Variants in ROCK1 observed in about 807,000 individuals in gnomAD.
ROCK1 encodes Rho associated coiled-coil containing protein kinase 1.
In ROCK1, 36 loss-of-function variants were observed where a neutral mutation model predicts 196.8. That is an observed-to-expected ratio of 0.18 (90% CI 0.14 to 0.24). The LOEUF is 0.24. Ranked by LOEUF, ROCK1 falls within the 10% of genes least tolerant of loss-of-function variation. ROCK1 has a pLI of 1.00. For missense variants in ROCK1, 920 were observed against 1,562.0 expected (o/e 0.59, Z 6.93); for synonymous variants, 443 against 515.9 (o/e 0.86, Z 1.91).
intron 27 of ROCK1, among the ~76,000 whole-genome samples, chr18:20,961,581 G>A (rs907631174): frequency 5.9e-5 from 9 of 152,056 alleles, no homozygotes; most frequent in Admixed American, 3.9e-4. Context: ...TTCAAACCCC[G>A]GCAGTCTAAT....
chr18:20,992,828 T>C lies in ROCK1; in HGVS notation c.1992+3A>G, dbSNP rs2035638084. ...AATAATTGGTATATGTTAAATCATTTACCTTTTCTGAGTGATTAAGCATGT... is the reference window on the plus strand; with the variant it reads ...AATAATTGGTATATGTTAAATCATTCACCTTTTCTGAGTGATTAAGCATGT... On this transcript the variant is annotated splice_donor_region_variant and intron_variant, in intron 17 of 32. Coordinates refer to ENST00000399799, the MANE Select transcript of ROCK1 (RefSeq NM_005406.3). 3 of 1,542,918 alleles carry C rather than the reference T, an allele frequency of 1.9e-6. No homozygotes were observed. The highest frequency in any genetic ancestry group is 2.7e-5 in the African/African-American group (2 of 73,500).
chr18:21,049,917 A>T (rs757617777), intron 2 of ROCK1, 37 bp from the exon 3 acceptor site: 2 of 1,183,322 alleles, frequency 1.7e-6, no homozygotes, highest in East Asian at 5.0e-5. Flanking sequence ...TTAAATCACT[A>T]AAGCATTACA....
chr18:21,034,276 T>C (rs1372580456), intron 9 of ROCK1, among the ~76,000 whole-genome samples: 1 of 152,168 alleles, frequency 6.6e-6, no homozygotes, highest in Non-Finnish European at 1.5e-5. Flanking sequence ...CTATGTCCTT[T>C]TTGGCAAAGA....
At chr18:21,009,471 T>C (rs1435574142) in intron 13 of ROCK1, among the ~76,000 whole-genome samples, 1 of 152,202 alleles carries the variant, frequency 6.6e-6, no homozygotes, top group African/African-American at 2.4e-5. Flanking sequence ...ACATTTTGAT[T>C]GTTTTCAGTT....
At chr18:21,087,579 A>G (rs1049767671) in intron 1 of ROCK1, among the ~76,000 whole-genome samples, 1 of 152,198 alleles carries the variant, frequency 6.6e-6, no homozygotes, top group African/African-American at 2.4e-5. Flanking sequence ...CAGGCACAGA[A>G]TGGAAAATTA....
chr18:21,077,539 G>A (rs1390035238), intron 1 of ROCK1, among the ~76,000 whole-genome samples: 2 of 152,176 alleles, frequency 1.3e-5, no homozygotes, highest in Non-Finnish European at 2.9e-5. Context: ...TAAAAGATGG[G>A]GGAGTAGGGA....
intron 2 of ROCK1, among the ~76,000 whole-genome samples, chr18:21,059,093 T>C (rs1467192984): frequency 4.6e-5 from 7 of 152,060 alleles, no homozygotes; most frequent in Non-Finnish European, 7.4e-5. Context: ...CAAAAAAATA[T>C]ATATATATCA....
At chr18:21,098,896 C>T (rs973536013) in intron 1 of ROCK1, among the ~76,000 whole-genome samples, 1 of 152,148 alleles carries the variant, frequency 6.6e-6, no homozygotes, top group Non-Finnish European at 1.5e-5. Flanking sequence ...TGAAATAGCA[C>T]TTGTCACCTA....
At chr18:21,101,862 A>G in intron 1 of ROCK1, among the ~76,000 whole-genome samples, 1 of 150,272 alleles carries the variant, frequency 6.7e-6, no homozygotes. Flanking sequence ...ATGATTATGT[A>G]AGAAAATGTC....
chr18:21,039,906 A>T (rs1408765781), intron 8 of ROCK1, among the ~76,000 whole-genome samples: 1 of 152,162 alleles, frequency 6.6e-6, no homozygotes, highest in Admixed American at 6.5e-5. Flanking sequence ...TAAAAATATA[A>T]AACTAGCGGG....
Position 21,070,538 on chromosome 18 carries a change from T to G in ROCK1, c.169A>C (p.Ser57Arg). 1 of 1,580,688 alleles carries G rather than the reference T, an allele frequency of 6.3e-7. No individual in the cohort carries two copies. The highest frequency in any genetic ancestry group is 8.7e-7 in the Non-Finnish European group (1 of 1,153,198). ...TCCACAAAAAATTACTTACATCTGC[T>G]TAAAAAGTTGTCAATATTTTTGTTT... ...RKNKNIDNFL[S>R]RYKDTINKIR... The change falls in exon 2 of 33, where the codon AGC becomes CGC. Residue 57 changes from serine (S) to arginine (R), a missense_variant. By Grantham distance (110) the Ser-to-Arg change is moderately radical (BLOSUM62 -1). Transcript: ENST00000399799.
intron 18 of ROCK1, 126 bp downstream of exon 18, chr18:20,991,050 G>A (rs1292664982): frequency 5.5e-6 from 4 of 731,346 alleles, no homozygotes; most frequent in Non-Finnish European, 8.8e-6. Context: ...ATGAGCCACT[G>A]TGCCAGGCCT....
chr18:20,956,523 C>T (rs1338136487), intron 29 of ROCK1, among the ~76,000 whole-genome samples: 2 of 152,076 alleles, frequency 1.3e-5, no homozygotes, highest in Admixed American at 1.3e-4. Flanking sequence ...AACCCCACAA[C>T]CCTATAAAAC....
chr18:20,961,718 T>C (rs958306150), intron 27 of ROCK1, among the ~76,000 whole-genome samples: 9 of 152,160 alleles, frequency 5.9e-5, no homozygotes, highest in South Asian at 2.1e-4. Context: ...ACACCTTTGC[T>C]TGTGTTATTC....
chr18:21,105,806 T>G (rs2036698024), intron 1 of ROCK1, among the ~76,000 whole-genome samples: 1 of 152,156 alleles, frequency 6.6e-6, no homozygotes, highest in South Asian at 2.1e-4. Flanking sequence ...AAAATAAAGA[T>G]TTGGGTATCA....
At chr18:20,982,428 T>G (rs1226665860) in intron 21 of ROCK1, among the ~76,000 whole-genome samples, 1 of 152,138 alleles carries the variant, frequency 6.6e-6, no homozygotes, top group Non-Finnish European at 1.5e-5. Context: ...ATTTTTGTAT[T>G]TGTAGTAGAG....
At chr18:21,046,810 T>C (rs1328005389) in intron 4 of ROCK1, among the ~76,000 whole-genome samples, 4 of 152,228 alleles carry the variant, frequency 2.6e-5, no homozygotes, top group Non-Finnish European at 5.9e-5. Context: ...TTTTTTCAAC[T>C]GTGTTTAATA....
intron 24 of ROCK1, 70 bp downstream of exon 24, chr18:20,969,045 A>T: frequency 9.3e-7 from 1 of 1,080,468 alleles, no homozygotes; most frequent in Admixed American, 2.0e-5. Context: ...TTAGAAACCT[A>T]ACACAACATA....
chr18:20,951,404 A>G lies in ROCK1; in HGVS notation c.4062-17T>C, dbSNP rs45521238. 16 of 1,527,166 alleles carry G rather than the reference A, an allele frequency of 1.0e-5. No homozygotes were observed. Among genetic ancestry groups the G allele is most frequent in the Non-Finnish European group, 1.4e-5 (16 of 1,114,552 alleles). The allele number at this position is 1,527,166 out of a possible 1,614,324, so 94.6% of individuals were successfully genotyped here. ...CATGGTTAACTGTTGAGGGAGGGGG[A>G]AAAAACTAATTTAAGAAATGCACTC... On this transcript the variant is annotated splice_polypyrimidine_tract_variant and intron_variant, in intron 32 of 32. Coordinates refer to ENST00000399799, the MANE Select transcript of ROCK1 (RefSeq NM_005406.3).
Sources: allele counts gnomAD v4.1 joint callset (sites outside exome capture counted in the v4.1 genomes callset), GRCh38; gene constraint gnomAD v4.1.1; transcripts MANE v1.5; gene names NCBI Gene and HGNC (gene_info 2026-07-23, HGNC 2026-07-21).